COL23A1: variants seen among roughly 807,000 people sequenced by gnomAD.
COL23A1 encodes the protein collagen alpha-1(XXIII) chain.
COL23A1 carries 97 observed loss-of-function variants against 99.3 expected under a neutral mutation model. That is an observed-to-expected ratio of 0.98 (90% CI 0.83 to 1.16). The LOEUF (loss-of-function observed/expected upper bound fraction) is 1.16. COL23A1 is among the 50% of genes most tolerant of loss of function. The probability of loss-of-function intolerance (pLI) is 0.00; values close to 1 mark genes in which losing one functional copy is unlikely to be tolerated. For synonymous variants in COL23A1, 320 were observed against 308.2 expected (o/e 1.04, Z -0.40); for missense variants, 762 against 757.4 (o/e 1.01, Z -0.07).
chr5:178,557,193 T>C (rs986442881), intron 2 of COL23A1, among the ~76,000 whole-genome samples: 8 of 152,174 alleles, frequency 5.3e-5, no homozygotes, highest in South Asian at 2.1e-4. Context: ...CGCTGTCACC[T>C]AGCCCTCTGG....
rs1055872197 is a variant in COL23A1, at chr5:178,552,532, T to C, written c.361+8150A>G. On this transcript the variant is annotated intron_variant, in intron 2 of 28. Transcript: ENST00000390654. ...ATATACGTGTATCATTTTAAAAAATTCTATAAAAAATAATCCCAAAAAGGG... is the reference window on the plus strand; with the variant it reads ...ATATACGTGTATCATTTTAAAAAATCCTATAAAAAATAATCCCAAAAAGGG... 2.0e-5 allele frequency among the ~76,000 whole-genome samples: 3 copies of C among 152,020 alleles called. No individual in the cohort carries two copies. In the East Asian group the frequency reaches 5.8e-4, roughly 30 times the overall value.
rs185278976 is a variant in COL23A1, at chr5:178,521,445, C to T, written c.361+39237G>A. On this transcript the variant is annotated intron_variant, in intron 2 of 28. Coordinates refer to ENST00000390654, the MANE Select transcript of COL23A1 (RefSeq NM_173465.4). ...GCAGGCGCCTGTATTCCCAGCTACT[C>T]GGGAGGCCGAGGCAGGAGAATGGTG... Among the ~76,000 whole-genome samples the T allele has an allele frequency of 1.7e-3, 256 of 151,166 alleles. 3 individuals carry two copies. The highest frequency in any genetic ancestry group is 0.01 in the Middle Eastern group (3 of 294).
chr5:178,575,593 A>T (rs1325587738), intron 1 of COL23A1, among the ~76,000 whole-genome samples: 2 of 152,154 alleles, frequency 1.3e-5, no homozygotes, highest in Non-Finnish European at 2.9e-5. Context: ...CACCTAGACC[A>T]CCTAGATGGG....
chr5:178,330,182 C>T (rs1419409963), intron 2 of COL23A1, among the ~76,000 whole-genome samples: 1 of 152,214 alleles, frequency 6.6e-6, no homozygotes, highest in Non-Finnish European at 1.5e-5. Flanking sequence ...GCCCTCCCTG[C>T]AGAAGAAGGG....
intron 2 of COL23A1, among the ~76,000 whole-genome samples, chr5:178,482,906 A>G (rs1757418425): frequency 6.6e-6 from 1 of 152,096 alleles, no homozygotes; most frequent in South Asian, 2.1e-4. Context: ...CATCTCAAAA[A>G]AAAAAGAAAA....
rs572359275 is a variant in COL23A1, at chr5:178,510,991, T to C, written c.361+49691A>G. On this transcript the variant is annotated intron_variant, in intron 2 of 28. Coordinates refer to ENST00000390654, the MANE Select transcript of COL23A1 (RefSeq NM_173465.4). ...CACCCTAGGTAAGAAAATCAGGCTA[T>C]AGAATAAATATATGCTAGGATTAAA... 2.0e-5 allele frequency among the ~76,000 whole-genome samples: 3 copies of C among 152,326 alleles called. No individual in the cohort carries two copies. The South Asian group carries it at 6.2e-4, about 32-fold the overall frequency.
chr5:178,344,947 G>A (rs373725862), intron 2 of COL23A1: 3 of 633,712 alleles, frequency 4.7e-6, no homozygotes, highest in African/African-American at 3.7e-5. Flanking sequence ...AAGAGAAAGT[G>A]CCAGTGGTTG....
intron 2 of COL23A1, among the ~76,000 whole-genome samples, chr5:178,355,555 CAG>C (rs1761595035): frequency 6.6e-6 from 1 of 152,126 alleles, no homozygotes; most frequent in Non-Finnish European, 1.5e-5. Context: ...TTTTTGGAGA[CAG>C]AGTCTTGCTC....
chr5:178,251,758 T>C (rs750924998), intron 17 of COL23A1, among the ~76,000 whole-genome samples: 13 of 152,140 alleles, frequency 8.5e-5, no homozygotes, highest in Non-Finnish European at 1.5e-4. Context: ...GGGGACCACA[T>C]AGCTGCTCCT....
At chr5:178,342,175 C>T (rs113093907) in intron 2 of COL23A1, among the ~76,000 whole-genome samples, 84 of 152,290 alleles carry the variant, frequency 5.5e-4, no homozygotes, top group African/African-American at 1.9e-3. Context: ...GCTGCAGTTC[C>T]CACATGGCCC....
At chr5:178,422,399 G>C (rs532429152) in intron 2 of COL23A1, among the ~76,000 whole-genome samples, 10 of 152,188 alleles carry the variant, frequency 6.6e-5, no homozygotes, top group Non-Finnish European at 1.5e-4. Context: ...GACAGTAACA[G>C]AGCTGCTGAG....
intron 2 of COL23A1, among the ~76,000 whole-genome samples, chr5:178,417,384 C>T (rs4502846): frequency 4.6e-5 from 7 of 152,176 alleles, no homozygotes; most frequent in African/African-American, 1.7e-4. Flanking sequence ...CTGCCTTCCT[C>T]GCTACGTGTA....
chr5:178,267,092 C>T (rs905161270), intron 8 of COL23A1, among the ~76,000 whole-genome samples: 13 of 152,216 alleles, frequency 8.5e-5, no homozygotes, highest in South Asian at 2.1e-4. Flanking sequence ...GAGACCTGGC[C>T]GTCTTCCAGA....
intron 2 of COL23A1, among the ~76,000 whole-genome samples, chr5:178,391,272 G>A (rs1763948322): frequency 6.6e-6 from 1 of 152,202 alleles, no homozygotes; most frequent in African/African-American, 2.4e-5. Flanking sequence ...GGAGACCACT[G>A]CTTTAAAAGA....
chr5:178,493,044 G>T (rs1758013267), intron 2 of COL23A1, among the ~76,000 whole-genome samples: 1 of 152,172 alleles, frequency 6.6e-6, no homozygotes, highest in South Asian at 2.1e-4. Context: ...TTGACTGTTG[G>T]TCTCTCACCC....
chr5:178,260,194 G>A (rs1476646157), intron 11 of COL23A1, among the ~76,000 whole-genome samples: 5 of 152,206 alleles, frequency 3.3e-5, no homozygotes, highest in Non-Finnish European at 7.3e-5. Flanking sequence ...CCACATCCAC[G>A]TGAAAACCTG....
chr5:178,362,402 C>T (rs758093272), intron 2 of COL23A1, among the ~76,000 whole-genome samples: 4 of 152,218 alleles, frequency 2.6e-5, no homozygotes, highest in Non-Finnish European at 1.5e-5. Context: ...TGGGCTGATA[C>T]CGAATCCAGG....
chr5:178,239,090 A>ACCCTCCCCTCCCATTCCCCCC, intron 28 of COL23A1, 51 bp downstream of exon 28: 1 of 1,560,310 alleles, frequency 6.4e-7, no homozygotes, highest in Non-Finnish European at 8.8e-7. Flanking sequence ...CCATTCCCCC[A>ACCCTCCCCTCCCATTCCCCCC]CCCTCCCCTG....
At chr5:178,518,154 C>T (rs1292209384) in intron 2 of COL23A1, among the ~76,000 whole-genome samples, 3 of 138,624 alleles carry the variant, frequency 2.2e-5, no homozygotes, top group African/African-American at 8.5e-5. Context: ...TTGCACCGCC[C>T]TTAATCCATT....
Sources: allele counts gnomAD v4.1 joint callset (sites outside exome capture counted in the v4.1 genomes callset), GRCh38; gene constraint gnomAD v4.1.1; transcripts MANE v1.5; gene names NCBI Gene and HGNC (gene_info 2026-07-23, HGNC 2026-07-21).